The following TAF2 variants were observed in gnomAD, a reference collection of about 807,000 sequenced individuals.
TAF2 encodes the protein TATA-box binding protein associated factor 2.
TAF2 carries 61 observed loss-of-function variants against 138.5 expected under a neutral mutation model. The observed-to-expected ratio is 0.44, with a 90% CI of 0.36 to 0.54. The LOEUF (loss-of-function observed/expected upper bound fraction) is 0.54, where lower values mean the gene tolerates loss of function less well. TAF2 is among the 20% of genes least tolerant of loss of function. The probability of loss-of-function intolerance (pLI) is 0.00; values close to 1 mark genes in which losing one functional copy is unlikely to be tolerated. For synonymous variants in TAF2, 475 were observed against 469.9 expected (o/e 1.01, Z -0.14); for missense variants, 1,090 against 1,427.9 (o/e 0.76, Z 3.81).
In TAF2 at chr8:119,832,839, T is replaced by C; in HGVS notation, c.-275A>G. The C allele has an allele frequency of 2.4e-6, 1 of 416,262 alleles. No individual in the cohort carries two copies. Among genetic ancestry groups the C allele is most frequent in the Non-Finnish European group, 4.3e-6 (1 of 233,120 alleles). 25.8% of individuals were successfully genotyped at this position (416,262 alleles called of 1,614,324 possible). ...ATCCGCCGACATCTTGTCTGTAACC[T>C]CTGACCTCCGACGTCAGCGGAAGTG... On this transcript the variant is annotated 5_prime_UTR_variant, in exon 1 of 26. Transcript: ENST00000378164.
At chr8:119,790,914 C>G (rs1823381743) in intron 11 of TAF2, among the ~76,000 whole-genome samples, 1 of 151,948 alleles carries the variant, frequency 6.6e-6, no homozygotes, top group African/African-American at 2.4e-5. Context: ...TTCCTGCCTC[C>G]ACCTCCCAAG....
At chr8:119,821,073 T>C (rs1229954738) in intron 2 of TAF2, among the ~76,000 whole-genome samples, 1 of 152,190 alleles carries the variant, frequency 6.6e-6, no homozygotes, top group Admixed American at 6.5e-5. Context: ...AAGAACAGCA[T>C]CTGGTTTTCT....
chr8:119,782,187 C>T (rs1386619553), intron 16 of TAF2, among the ~76,000 whole-genome samples: 2 of 152,076 alleles, frequency 1.3e-5, no homozygotes, highest in African/African-American at 2.4e-5. Context: ...GTTTTTCAAT[C>T]TACCCTAACT....
intron 18 of TAF2, among the ~76,000 whole-genome samples, chr8:119,766,742 G>A (rs1479354950): frequency 6.6e-6 from 1 of 152,146 alleles, no homozygotes; most frequent in African/African-American, 2.4e-5. Context: ...GTTGAGGCAG[G>A]AGAATTGCTT....
rs116412215 is a variant in TAF2, at chr8:119,744,780, G to A, written c.3109-387C>T. ...TGAGTTTTATAATGCAGTCTGTTGC[G>A]TGTGTTCCTGCTAAGGAAAAACCAC... On this transcript the variant is annotated intron_variant, in intron 23 of 25. Transcript: ENST00000378164. 1,677 of 397,566 alleles carry A rather than the reference G, an allele frequency of 4.2e-3. 25 individuals are homozygous for A. Among genetic ancestry groups the A allele is most frequent in the African/African-American group, 0.032 (1,542 of 48,354 alleles). 24.6% of individuals were successfully genotyped at this position (397,566 alleles called of 1,614,324 possible).
In TAF2 at chr8:119,788,857, C is replaced by T; in HGVS notation, c.1616G>A (p.Arg539Lys). The T allele has an allele frequency of 6.2e-7, 1 of 1,613,822 alleles. No homozygotes were observed. The highest frequency in any genetic ancestry group is 1.3e-5 in the African/African-American group (1 of 75,004). Reference protein sequence around the residue: ...VKFYGSFAFNRKRNVLELEIK... With the variant: ...VKFYGSFAFNKKRNVLELEIK... ...TTCCAGTTCCAAGACATTTCGTTTT[C>T]TATTAAATGCAAAACTTCCATAAAA... Residue 539 changes from arginine (R) to lysine (K), a missense_variant, in exon 13 of 26, where the codon AGA becomes AAA. Transcript: ENST00000378164.
At position 119,762,552 on chromosome 8, in the gene TAF2, T is replaced by G. The variant is rs1250195700; in HGVS notation, c.2421A>C (p.Thr807=). 1.9e-6 allele frequency: 3 copies of G among 1,613,826 alleles called. No homozygotes were observed. Among genetic ancestry groups the G allele is most frequent in the Non-Finnish European group, 2.5e-6 (3 of 1,179,864 alleles). The change falls in exon 19 of 26, where the codon ACA becomes ACC. Residue 807 remains threonine, a synonymous_variant. Transcript: ENST00000378164. ...CTTCATTATTCACACTGACTGCAGG[T>G]GTAACAGAGTTGGCCAGGGCATCAA... The part of the protein sequence containing the change: ...EMIDALANSV[T]PAVSVNNEVR...
rs571680430 is a variant in TAF2, at chr8:119,779,884, G to A, written c.2253+1169C>T. ...TAACACTTCCAGAACTTGCTCAGCC[G>A]TCTCTATTTACTTTCTCCCACCTGA... On this transcript the variant is annotated intron_variant, in intron 17 of 25. Transcript: ENST00000378164. 4.3e-4 allele frequency among the ~76,000 whole-genome samples: 65 copies of A among 152,162 alleles called. 1 individual carries two copies. In the South Asian group the frequency reaches 0.013, roughly 31 times the overall value.
intron 2 of TAF2, among the ~76,000 whole-genome samples, chr8:119,827,168 T>G (rs1826155025): frequency 1.3e-5 from 2 of 152,138 alleles, no homozygotes; most frequent in Non-Finnish European, 2.9e-5. Context: ...CACTCCAGCC[T>G]AGGCGACAGT....
intron 21 of TAF2, 106 bp downstream of exon 21, chr8:119,757,967 C>T (rs1820811283): frequency 2.2e-6 from 2 of 909,890 alleles, no homozygotes; most frequent in South Asian, 2.7e-5. Flanking sequence ...AAAAGATATT[C>T]CCATATTTTC....
intron 6 of TAF2, among the ~76,000 whole-genome samples, chr8:119,798,894 T>C (rs990805635): frequency 2.2e-4 from 33 of 152,170 alleles, no homozygotes; most frequent in Non-Finnish European, 4.4e-4. Context: ...GTATTAATCA[T>C]ATTTAATCAT....
intron 17 of TAF2, among the ~76,000 whole-genome samples, chr8:119,780,082 T>C (rs1347525505): frequency 6.6e-6 from 1 of 152,156 alleles, no homozygotes; most frequent in Non-Finnish European, 1.5e-5. Context: ...ATAGGCTTCA[T>C]TAGTTCTCTC....
rs755930668 is a variant in TAF2, at chr8:119,806,414, AAG to A, written c.300-15_300-14del. On this transcript the variant is annotated splice_polypyrimidine_tract_variant and intron_variant, in intron 3 of 25. Transcript: ENST00000378164. Reference sequence around the variant, plus strand: ...ATTGAGGTTTCTCCTGGGGAAAAAAAAGAGCCAACTTTTAATAATAAGCCATG... The same window carrying A: ...ATTGAGGTTTCTCCTGGGGAAAAAAAAGCCAACTTTTAATAATAAGCCATG... The A allele has an allele frequency of 5.4e-5, 86 of 1,597,430 alleles. No individual in the cohort carries two copies. Among genetic ancestry groups the A allele is most frequent in the Non-Finnish European group, 6.4e-5 (75 of 1,165,304 alleles).
chr8:119,817,517 C>T (rs1825557444), intron 3 of TAF2, among the ~76,000 whole-genome samples: 2 of 152,170 alleles, frequency 1.3e-5, no homozygotes, highest in African/African-American at 4.8e-5. Context: ...TGATTTAGAA[C>T]ACTAAAAGTA....
chr8:119,800,549 T>A (rs1221309167), intron 6 of TAF2, among the ~76,000 whole-genome samples: 2 of 152,226 alleles, frequency 1.3e-5, no homozygotes, highest in Non-Finnish European at 2.9e-5. Context: ...TACTGTAGCC[T>A]TGTAGTATAG....
At chr8:119,817,401 C>A (rs1237470422) in intron 3 of TAF2, among the ~76,000 whole-genome samples, 3 of 152,122 alleles carry the variant, frequency 2.0e-5, no homozygotes, top group African/African-American at 7.2e-5. Flanking sequence ...ATCTAGGTCG[C>A]ACACTACTTA....
At position 119,779,368 on chromosome 8, in the gene TAF2, T is replaced by C. The variant is rs535717967; in HGVS notation, c.2254-1239A>G. 2.7e-5 allele frequency among the ~76,000 whole-genome samples: 4 copies of C among 150,150 alleles called. No individual in the cohort carries two copies. The South Asian group carries it at 8.4e-4, about 32-fold the overall frequency. On this transcript the variant is annotated intron_variant, in intron 17 of 25. Coordinates refer to ENST00000378164, the MANE Select transcript of TAF2 (RefSeq NM_003184.4). ...TATTCTGTTTTATTTAAAAAAAAAATAAAAATAGAAATAAAAACTACACTG... is the reference window on the plus strand; with the variant it reads ...TATTCTGTTTTATTTAAAAAAAAAACAAAAATAGAAATAAAAACTACACTG...
intron 18 of TAF2, among the ~76,000 whole-genome samples, chr8:119,772,862 A>G (rs907870976): frequency 1.3e-5 from 2 of 151,442 alleles, no homozygotes; most frequent in East Asian, 3.9e-4. Flanking sequence ...ACTTGAACCC[A>G]GGAGGTGGAG....
intron 25 of TAF2, among the ~76,000 whole-genome samples, chr8:119,740,164 T>A (rs1181536715): frequency 6.6e-6 from 1 of 152,048 alleles, no homozygotes; most frequent in African/African-American, 2.4e-5. Flanking sequence ...GACAAGAAAT[T>A]CCTTTTTCAC....
Sources: gnomAD v4.1 joint callset for allele counts (sites outside exome capture counted in the v4.1 genomes callset) on GRCh38, gnomAD v4.1.1 for gene constraint, MANE v1.5 for transcripts, NCBI Gene and HGNC (gene_info 2026-07-23, HGNC 2026-07-21) for gene names.